Variants in SLC13A3 observed in about 807,000 individuals in gnomAD.
The protein encoded by SLC13A3 is Na(+)/dicarboxylate cotransporter 3.
In SLC13A3, 40 loss-of-function variants were observed where a neutral mutation model predicts 59.0. The observed-to-expected ratio is 0.68, with a 90% CI of 0.53 to 0.88. The LOEUF is 0.88. SLC13A3 is among the 40% of genes least tolerant of loss of function. SLC13A3 has a pLI of 0.00. For synonymous variants in SLC13A3, 317 were observed against 330.3 expected (o/e 0.96, Z 0.44); for missense variants, 699 against 783.2 (o/e 0.89, Z 1.28).
In SLC13A3 at chr20:46,610,545, T is replaced by C. The variant is rs1168728436; in HGVS notation, c.442A>G (p.Thr148Ala). 1.2e-6 allele frequency: 2 copies of C among 1,614,078 alleles called. No individual in the cohort carries two copies. The highest frequency in any genetic ancestry group is 1.7e-6 in the Non-Finnish European group (2 of 1,180,012). ...LSMWLSNTAS[T>A]AMMLPIANAI... ...TTGGCAATGGGAAGCATCATGGCAGTGGAGGCGGTGTTGCTCAGCCACATG... is the reference window on the plus strand; with the variant it reads ...TTGGCAATGGGAAGCATCATGGCAGCGGAGGCGGTGTTGCTCAGCCACATG... The change falls in exon 3 of 13, where the codon ACT (threonine) becomes GCT (alanine). Residue 148 changes from threonine (T) to alanine (A), a missense_variant. Thr to Ala is a moderately conservative substitution (Grantham distance 58). Transcript: ENST00000279027.
intron 1 of SLC13A3, among the ~76,000 whole-genome samples, chr20:46,638,529 G>A (rs913216712): frequency 2.0e-5 from 3 of 152,248 alleles, no homozygotes; most frequent in Non-Finnish European, 4.4e-5. Context: ...GCTCCGTCCA[G>A]TGAAGCCTGG....
intron 1 of SLC13A3, among the ~76,000 whole-genome samples, chr20:46,632,911 A>AGATAGATAGATAGACAGATAGCTCTT (rs1253627891): frequency 9.0e-5 from 5 of 55,590 alleles, no homozygotes; most frequent in South Asian, 7.1e-4. Context: ...ATAGATAGAT[A>AGATAGATAGATAGACAGATAGCTCTT]TATCTATCTA....
chr20:46,640,151 G>C (rs1197245114), intron 1 of SLC13A3, among the ~76,000 whole-genome samples: 1 of 152,216 alleles, frequency 6.6e-6, no homozygotes, highest in African/African-American at 2.4e-5. Flanking sequence ...GGACAGAGGA[G>C]AGTGCAAGAA....
At chr20:46,615,317 C>T (rs1223019421) in intron 1 of SLC13A3, among the ~76,000 whole-genome samples, 1 of 152,136 alleles carries the variant, frequency 6.6e-6, no homozygotes, top group African/African-American at 2.4e-5. Flanking sequence ...CATAGGACAT[C>T]AAACAGCGCA....
intron 1 of SLC13A3, among the ~76,000 whole-genome samples, chr20:46,623,123 C>T (rs2062633007): frequency 6.6e-6 from 1 of 152,044 alleles, no homozygotes; most frequent in Non-Finnish European, 1.5e-5. Context: ...ACAGGATAAC[C>T]CTGTTACCTG....
intron 9 of SLC13A3, among the ~76,000 whole-genome samples, chr20:46,578,796 C>T (rs1239605914): frequency 1.3e-5 from 2 of 151,912 alleles, no homozygotes; most frequent in Non-Finnish European, 2.9e-5. Context: ...GGGAAGGTTT[C>T]TCAGGAGGTG....
intron 1 of SLC13A3, among the ~76,000 whole-genome samples, chr20:46,676,556 CT>C (rs1228687141): frequency 1.3e-5 from 2 of 151,718 alleles, no homozygotes; most frequent in African/African-American, 4.8e-5. Context: ...CGCCCGGCCC[CT>C]TTTTTTCTTT....
chr20:46,671,517 TA>T (rs61678958), upstream of SLC13A3, among the ~76,000 whole-genome samples: 1,400 of 147,610 alleles, frequency 9.5e-3, 48 homozygotes, highest in Admixed American at 0.063. Flanking sequence ...TAATCCTCAT[TA>T]AAAAAAAAAG....
chr20:46,674,289 G>C (rs560739684), upstream of SLC13A3, among the ~76,000 whole-genome samples: 1 of 152,158 alleles, frequency 6.6e-6, no homozygotes, highest in Non-Finnish European at 1.5e-5. Context: ...CTGGAGGGGG[G>C]ATTAGTTCCC....
At chr20:46,658,432 G>A (rs2063008107) in intron 1 of SLC13A3, among the ~76,000 whole-genome samples, 1 of 152,096 alleles carries the variant, frequency 6.6e-6, no homozygotes, top group South Asian at 2.1e-4. Context: ...TGGTAATACA[G>A]TTGTATATAA....
intron 1 of SLC13A3, among the ~76,000 whole-genome samples, chr20:46,665,534 TA>T (rs2063058467): frequency 6.6e-6 from 1 of 152,240 alleles, no homozygotes; most frequent in South Asian, 2.1e-4. Flanking sequence ...TGACTTAACA[TA>T]ATGCTTTCAA....
chr20:46,622,458 G>C (rs1339458013), intron 1 of SLC13A3, among the ~76,000 whole-genome samples: 1 of 152,118 alleles, frequency 6.6e-6, no homozygotes, highest in African/African-American at 2.4e-5. Context: ...GACAATAAAA[G>C]CTTTTGCAGA....
At chr20:46,639,015 T>C (rs1600599073) in intron 1 of SLC13A3, among the ~76,000 whole-genome samples, 1 of 152,348 alleles carries the variant, frequency 6.6e-6, no homozygotes, top group Middle Eastern at 3.4e-3. Context: ...GTAGGTGCTT[T>C]GTCCCTGAAG....
intron 3 of SLC13A3, among the ~76,000 whole-genome samples, chr20:46,608,345 T>C (rs1484667677): frequency 6.6e-6 from 1 of 152,266 alleles, no homozygotes; most frequent in Non-Finnish European, 1.5e-5. Context: ...GTTTGTTTTA[T>C]CTGTGGCTGC....
At chr20:46,677,840 AG>A (rs2063135269) in intron 1 of SLC13A3, among the ~76,000 whole-genome samples, 1 of 152,200 alleles carries the variant, frequency 6.6e-6, no homozygotes, top group Admixed American at 6.5e-5. Flanking sequence ...CAAATTGGAA[AG>A]CACAGGCCCC....
intron 2 of SLC13A3, among the ~76,000 whole-genome samples, chr20:46,613,004 G>A (rs1425339210): frequency 6.6e-6 from 1 of 152,150 alleles, no homozygotes; most frequent in Non-Finnish European, 1.5e-5. Flanking sequence ...GCCTGCATTT[G>A]CTCATCTAAT....
At chr20:46,656,633 G>T (rs1420813228) in intron 1 of SLC13A3, among the ~76,000 whole-genome samples, 1 of 147,370 alleles carries the variant, frequency 6.8e-6, no homozygotes, top group African/African-American at 2.5e-5. Flanking sequence ...TACTGTATAT[G>T]ATATATACTA....
intron 6 of SLC13A3, among the ~76,000 whole-genome samples, chr20:46,590,966 C>T (rs1427333517): frequency 2.6e-5 from 4 of 151,262 alleles, no homozygotes; most frequent in Admixed American, 2.6e-4. Context: ...TGAGACCAGC[C>T]TGGCCAACAG....
chr20:46,678,070 C>T (rs1233972269), intron 1 of SLC13A3, among the ~76,000 whole-genome samples: 1 of 152,206 alleles, frequency 6.6e-6, no homozygotes, highest in African/African-American at 2.4e-5. Flanking sequence ...ACCCACTGGA[C>T]CTAGATCAAA....
Sources: gnomAD v4.1 joint callset for allele counts (sites outside exome capture counted in the v4.1 genomes callset) on GRCh38, gnomAD v4.1.1 for gene constraint, MANE v1.5 for transcripts, NCBI Gene and HGNC (gene_info 2026-07-23, HGNC 2026-07-21) for gene names.